Variants in ADAR observed in about 807,000 individuals in gnomAD.
ADAR encodes double-stranded RNA-specific adenosine deaminase.
In ADAR, 41 loss-of-function variants were observed where a neutral mutation model predicts 113.2. The observed-to-expected ratio is 0.36, with a 90% CI of 0.28 to 0.47. ADAR has a LOEUF of 0.47. Ranked by LOEUF, ADAR falls within the 20% of genes least tolerant of loss-of-function variation. The probability of loss-of-function intolerance (pLI) is 1.00; values close to 1 mark genes in which losing one functional copy is unlikely to be tolerated. For missense variants in ADAR, 1,242 were observed against 1,540.9 expected (o/e 0.81, Z 3.25); for synonymous variants, 605 against 572.6 (o/e 1.06, Z -0.81).
chr1:154,592,342 G>GGAAT (rs1697203421), intron 6 of ADAR, among the ~76,000 whole-genome samples: 1 of 152,108 alleles, frequency 6.6e-6, no homozygotes, highest in African/African-American at 2.4e-5. Context: ...CCAGCCCTTT[G>GGAAT]GAATACTTAT....
chr1:154,613,115 A>G (rs1374366442), upstream of ADAR, among the ~76,000 whole-genome samples: 1 of 151,548 alleles, frequency 6.6e-6, no homozygotes, highest in Non-Finnish European at 1.5e-5. Flanking sequence ...TAGTCCCTCA[A>G]CATTAATTTC....
chr1:154,590,330 C>T lies in ADAR; in HGVS notation c.2350G>A (p.Ala784Thr). 1 of 1,614,184 alleles carries T rather than the reference C, an allele frequency of 6.2e-7. No homozygotes were observed. The highest frequency in any genetic ancestry group is 1.1e-5 in the South Asian group (1 of 91,084). ...AAGACACGGAGAGCCGCATCTGCTG[C>T]TTCCTGCTTGCCTTGCTTCTTGCTG... Reference protein sequence around the residue: ...AHSKKQGKQEAADAALRVLIG... With the variant: ...AHSKKQGKQETADAALRVLIG... The change falls in exon 7 of 15, where the codon GCA becomes ACA. Residue 784 changes from alanine to threonine, a missense_variant. By Grantham distance (58) the Ala-to-Thr change is moderately conservative (BLOSUM62 0). This residue lies in a region of ADAR where 780 missense variants were observed against 1,057.9 expected (regional missense o/e 0.74). Coordinates refer to ENST00000368474, the MANE Select transcript of ADAR (RefSeq NM_001111.5).
At chr1:154,590,561 G>C (rs747379158) in intron 6 of ADAR, 152 bp from the exon 7 acceptor site, 16 of 743,426 alleles carry the variant, frequency 2.2e-5, no homozygotes, top group Non-Finnish European at 3.3e-5. Context: ...CTAGATTTTG[G>C]TCATTCATGA....
At chr1:154,607,969 G>A in intron 1 of ADAR, 23 bp downstream of exon 1, 2 of 1,611,770 alleles carry the variant, frequency 1.2e-6, no homozygotes, top group Non-Finnish European at 1.7e-6. Flanking sequence ...CGGCGGCGAA[G>A]GTCCAAGGCC....
In ADAR at chr1:154,586,259, G is replaced by A. The variant is rs779004315; in HGVS notation, c.3124C>T (p.Arg1042Cys). ...CCTTGCAGGCCCAGCACGTTCCAGC[G>A]TAGGATTTTGTCACTACAGGACATG... Reference protein sequence around the residue: ...RTMSCSDKILRWNVLGLQGAL... With the variant: ...RTMSCSDKILCWNVLGLQGAL... The change falls in exon 12 of 15, where the codon CGC (arginine) becomes TGC (cysteine). Residue 1042 changes from arginine to cysteine, a missense_variant. Physicochemically the swap from Arg to Cys is radical, Grantham distance 180. Around this residue, in one of 2 missense-constraint regions of ADAR, gnomAD observed 780 missense variants for 1,057.9 expected, o/e 0.74. Coordinates refer to ENST00000368474, the MANE Select transcript of ADAR (RefSeq NM_001111.5). The A allele has an allele frequency of 3.7e-6, 6 of 1,614,190 alleles. No individual in the cohort carries two copies. Among genetic ancestry groups the A allele is most frequent in the Admixed American group, 1.7e-5 (1 of 60,032 alleles).
chr1:154,601,518 G>C lies in ADAR; in HGVS notation c.1124C>G (p.Thr375Ser). The part of the protein sequence containing the change: ...IKRNTNSVPE[T>S]APAAIPETKR... ...GGTCTCAGGGATTGCAGCTGGAGCG[G>C]TTTCAGGAACACTGTTCGTATTTCT... Residue 375 changes from threonine to serine, a missense_variant, in exon 2 of 15, where the codon ACC (threonine) becomes AGC (serine). By Grantham distance (58) the Thr-to-Ser change is moderately conservative. Coordinates refer to ENST00000368474, the MANE Select transcript of ADAR (RefSeq NM_001111.5). The surrounding 1 kb of genome is among the most constrained non-coding windows in gnomAD (Gnocchi z 4.7). The C allele has an allele frequency of 1.9e-6, 3 of 1,613,740 alleles. No individual in the cohort carries two copies. The East Asian group carries it at 6.7e-5, about 36-fold the overall frequency.
At position 154,588,062 on chromosome 1, in the gene ADAR, C is replaced by G. The variant is rs528835424; in HGVS notation, c.3019+63G>C. On this transcript the variant is annotated intron_variant, in intron 11 of 14. Coordinates refer to ENST00000368474, the MANE Select transcript of ADAR (RefSeq NM_001111.5). ...TAAAATCCTAGCAGCCTTGTAGAGA[C>G]TTGGGGTCCCTGGACCTTGCAGAGC... 2.9e-5 allele frequency: 47 copies of G among 1,607,704 alleles called. 1 individual carries two copies. The South Asian group carries it at 5.1e-4, about 17-fold the overall frequency.
chr1:154,606,207 A>G (rs1170553689), intron 1 of ADAR, among the ~76,000 whole-genome samples: 1 of 152,074 alleles, frequency 6.6e-6, no homozygotes, highest in Non-Finnish European at 1.5e-5. Flanking sequence ...ACACCCAGCT[A>G]ATTTTTGTAT....
At chr1:154,591,472 T>G (rs1697143270) in intron 6 of ADAR, among the ~76,000 whole-genome samples, 1 of 152,240 alleles carries the variant, frequency 6.6e-6, no homozygotes, top group African/African-American at 2.4e-5. Flanking sequence ...TTAAGCTAAC[T>G]CTGGGGTAAG....
chr1:154,591,048 T>G (rs145821749), intron 6 of ADAR, among the ~76,000 whole-genome samples: 1 of 152,308 alleles, frequency 6.6e-6, no homozygotes, highest in East Asian at 1.9e-4. Flanking sequence ...ATAGGAAACT[T>G]TGTTTCACTA....
At chr1:154,607,577 T>C (rs1698278142) in intron 1 of ADAR, among the ~76,000 whole-genome samples, 1 of 152,192 alleles carries the variant, frequency 6.6e-6, no homozygotes, top group African/African-American at 2.4e-5. Flanking sequence ...ACGATGTGTC[T>C]GCCTTGACAT....
chr1:154,590,931 G>A lies in ADAR; in HGVS notation c.2271-522C>T, dbSNP rs865894477. Reference sequence around the variant, plus strand: ...ACCATATCACTGCACTCCAGCCTGCGCGAGACAGCAAGATCCCCATCTCTA... The same window carrying A: ...ACCATATCACTGCACTCCAGCCTGCACGAGACAGCAAGATCCCCATCTCTA... On this transcript the variant is annotated intron_variant, in intron 6 of 14. Coordinates refer to ENST00000368474, the MANE Select transcript of ADAR (RefSeq NM_001111.5). Among the ~76,000 whole-genome samples the A allele has an allele frequency of 7.2e-5, 11 of 152,174 alleles. No individual in the cohort carries two copies. The Middle Eastern group carries it at 0.014, about 188-fold the overall frequency.
At chr1:154,592,115 G>T (rs1697187038) in intron 6 of ADAR, among the ~76,000 whole-genome samples, 1 of 152,178 alleles carries the variant, frequency 6.6e-6, no homozygotes, top group Non-Finnish European at 1.5e-5. Flanking sequence ...GTAGCCACTA[G>T]CCAAATGGGG....
chr1:154,605,914 C>A, intron 1 of ADAR: 1 of 870,072 alleles, frequency 1.1e-6, no homozygotes, highest in Non-Finnish European at 1.4e-6. Context: ...TTTTAAACTG[C>A]TACTCTTGGC....
rs1308914614 is a variant in ADAR, at chr1:154,598,589, G to C, written c.1602-4C>G. ...GATGACAACCTGGAATTTAAATCTTGACGGAAAGTGATTAGATGTGTGAAC... is the reference window on the plus strand; with the variant it reads ...GATGACAACCTGGAATTTAAATCTTCACGGAAAGTGATTAGATGTGTGAAC... On this transcript the variant is annotated splice_polypyrimidine_tract_variant and splice_region_variant and intron_variant, in intron 2 of 14. Transcript: ENST00000368474. The C allele has an allele frequency of 3.1e-6, 5 of 1,613,986 alleles. No individual in the cohort carries two copies. The highest frequency in any genetic ancestry group is 3.3e-5 in the Admixed American group (2 of 60,010).
intron 3 of ADAR, 82 bp downstream of exon 3, chr1:154,598,320 G>T: frequency 1.4e-6 from 2 of 1,463,830 alleles, no homozygotes; most frequent in South Asian, 1.1e-5. Context: ...AGTTGTTTAG[G>T]CTGGGATTGC....
In ADAR at chr1:154,587,031, A is replaced by G. The variant is rs941661590; in HGVS notation, c.3020-668T>C. Among the ~76,000 whole-genome samples the G allele has an allele frequency of 3.3e-5, 5 of 152,200 alleles. No homozygotes were observed. In the South Asian group the frequency reaches 6.2e-4, roughly 19 times the overall value. On this transcript the variant is annotated intron_variant, in intron 11 of 14. Coordinates refer to ENST00000368474, the MANE Select transcript of ADAR (RefSeq NM_001111.5). Reference sequence around the variant, plus strand: ...TTCACCCATTTAAAGCATACAATTCAGTCATTTTTAGTATATTCACAGAGT... The same window carrying G: ...TTCACCCATTTAAAGCATACAATTCGGTCATTTTTAGTATATTCACAGAGT...
chr1:154,584,123 G>A lies in ADAR; in HGVS notation c.*683C>T, dbSNP rs1467088540. 2 of 152,562 alleles carry A rather than the reference G, an allele frequency of 1.3e-5. No individual in the cohort carries two copies. The highest frequency in any genetic ancestry group is 1.9e-4 in the East Asian group (1 of 5,212). 9.5% of individuals were successfully genotyped at this position (152,562 alleles called of 1,614,324 possible). A position where few individuals can be genotyped will look rare whatever the true frequency, so the allele number is the denominator to read the frequency against. On this transcript the variant is annotated 3_prime_UTR_variant, in exon 15 of 15. Coordinates refer to ENST00000368474, the MANE Select transcript of ADAR (RefSeq NM_001111.5). ...CCGGAGAAAGTGATACACTTCCAGGGAAGCAGCTTTCCTTGCCTTGCCCGC... is the reference window on the plus strand; with the variant it reads ...CCGGAGAAAGTGATACACTTCCAGGAAAGCAGCTTTCCTTGCCTTGCCCGC...
rs886109738 is a variant in ADAR, at chr1:154,608,062, C to T, written c.-56G>A. ...CGCCGGCGGCACGACCCTGGCCCGA[C>T]CGCTGGGCCGCGCCAGCCCCTCGAG... On this transcript the variant is annotated 5_prime_UTR_variant, in exon 1 of 15. Transcript: ENST00000368474. 2.0e-6 allele frequency: 3 copies of T among 1,523,950 alleles called. No homozygotes were observed. The allele number at this position is 1,523,950 out of a possible 1,614,324, so 94.4% of individuals were successfully genotyped here.
Sources: allele counts gnomAD v4.1 joint callset (sites outside exome capture counted in the v4.1 genomes callset), GRCh38; gene constraint gnomAD v4.1.1; regional missense constraint gnomAD v4.1.1; non-coding constraint Gnocchi (gnomAD v3.1); transcripts MANE v1.5; gene names NCBI Gene and HGNC (gene_info 2026-07-23, HGNC 2026-07-21).